MYO3A: variants seen among roughly 807,000 people sequenced by gnomAD.
The protein encoded by MYO3A is myosin-IIIa.
MYO3A carries 180 observed loss-of-function variants against 192.7 expected under a neutral mutation model. The observed-to-expected ratio is 0.93, with a 90% CI of 0.83 to 1.06. MYO3A has a LOEUF of 1.06. Among genes scored for constraint, MYO3A ranks in the 50% least tolerant of loss-of-function variants. The pLI, the probability that MYO3A is intolerant of heterozygous loss-of-function variation, is 0.00. For synonymous variants in MYO3A, 628 were observed against 645.3 expected (o/e 0.97, Z 0.41); for missense variants, 1,896 against 1,905.0 (o/e 1.00, Z 0.09).
chr10:25,964,791 A>T (rs1297742728), intron 4 of MYO3A, among the ~76,000 whole-genome samples: 3 of 152,186 alleles, frequency 2.0e-5, no homozygotes, highest in African/African-American at 4.8e-5. Context: ...TTTGGTATTG[A>T]TGAAATCCTT....
At chr10:26,102,405 C>A (rs1394305914) in intron 17 of MYO3A, among the ~76,000 whole-genome samples, 1 of 152,208 alleles carries the variant, frequency 6.6e-6, no homozygotes, top group Non-Finnish European at 1.5e-5. Flanking sequence ...CTCAACTCAT[C>A]AAAGTGATTC....
chr10:26,155,091 A>T (rs1248851759), intron 25 of MYO3A, among the ~76,000 whole-genome samples: 1 of 152,230 alleles, frequency 6.6e-6, no homozygotes, highest in Non-Finnish European at 1.5e-5. Context: ...ATGCATTTCC[A>T]CTAGAATAAA....
chr10:26,096,740 T>A, intron 17 of MYO3A, 58 bp downstream of exon 17: 1 of 1,181,058 alleles, frequency 8.5e-7, no homozygotes, highest in South Asian at 1.2e-5. Context: ...ATCACTAATG[T>A]TAAGAGCATT....
At chr10:26,081,142 C>CCCCCA (rs1835920858) in intron 14 of MYO3A, among the ~76,000 whole-genome samples, 1 of 93,662 alleles carries the variant, frequency 1.1e-5, no homozygotes, top group Non-Finnish European at 2.8e-5. Flanking sequence ...TTCCCCCCCC[C>CCCCCA]CCCGCCCCCG....
chr10:25,956,197 G>A (rs1337402713), intron 4 of MYO3A, among the ~76,000 whole-genome samples: 1 of 152,064 alleles, frequency 6.6e-6, no homozygotes, highest in East Asian at 1.9e-4. Context: ...CCTCTTAAAG[G>A]TCCCACCTCT....
chr10:26,145,657 C>T (rs759770162), intron 22 of MYO3A, 123 bp downstream of exon 22: 22 of 824,042 alleles, frequency 2.7e-5, no homozygotes, highest in African/African-American at 5.1e-5. Flanking sequence ...TGTCTGTTTC[C>T]GCCCCCACTG....
rs777926817 is a variant in MYO3A, at chr10:26,021,542, G to T, written c.625G>T (p.Ala209Ser). ...ACAGCAATTGGATACCACTTATGAC[G>T]CCAGATGTGACACTTGGTCCCTGGG... ...CEQQLDTTYD[A>S]RCDTWSLGIT... The change falls in exon 8 of 35, where the codon GCC becomes TCC. Residue 209 changes from alanine (A) to serine (S), a missense_variant. Transcript: ENST00000642920. 8.1e-6 allele frequency: 13 copies of T among 1,613,956 alleles called. No homozygotes were observed. Among genetic ancestry groups the T allele is most frequent in the African/African-American group, 4.0e-5 (3 of 74,908 alleles).
At chr10:25,990,433 G>C (rs550128773) in intron 4 of MYO3A, among the ~76,000 whole-genome samples, 94 of 151,836 alleles carry the variant, frequency 6.2e-4, no homozygotes, top group African/African-American at 1.9e-3. Context: ...TTAAGCCCTA[G>C]ATCCTAAAAT....
At chr10:26,102,103 C>G (rs1020439742) in intron 17 of MYO3A, among the ~76,000 whole-genome samples, 2 of 152,102 alleles carry the variant, frequency 1.3e-5, no homozygotes, top group East Asian at 3.9e-4. Context: ...TTTCTTTTTA[C>G]TCTTTTTTCT....
chr10:26,197,825 C>T (rs1589117025), intron 32 of MYO3A, among the ~76,000 whole-genome samples: 1 of 152,348 alleles, frequency 6.6e-6, no homozygotes, highest in African/African-American at 2.4e-5. Context: ...CTTGGCCTCC[C>T]AAAGTGCTGG....
chr10:25,964,445 T>C (rs1338741493), intron 4 of MYO3A, among the ~76,000 whole-genome samples: 1 of 152,188 alleles, frequency 6.6e-6, no homozygotes, highest in Non-Finnish European at 1.5e-5. Context: ...ACACTTTGCA[T>C]ATACAAACAA....
intron 23 of MYO3A, among the ~76,000 whole-genome samples, chr10:26,150,291 A>G (rs1840722928): frequency 6.6e-6 from 1 of 152,202 alleles, no homozygotes; most frequent in Non-Finnish European, 1.5e-5. Context: ...ATATTGCACT[A>G]TAGTTTTCTT....
At chr10:26,176,403 G>T (rs1303889191) in intron 30 of MYO3A, among the ~76,000 whole-genome samples, 1 of 152,238 alleles carries the variant, frequency 6.6e-6, no homozygotes, top group Non-Finnish European at 1.5e-5. Flanking sequence ...GAGTGGCGAG[G>T]CTGGAAGCCG....
chr10:26,079,654 G>A (rs190363492), intron 14 of MYO3A, among the ~76,000 whole-genome samples: 4 of 152,178 alleles, frequency 2.6e-5, no homozygotes, highest in East Asian at 1.9e-4. Context: ...TTTTGATGTG[G>A]TTCCAGGATT....
intron 20 of MYO3A, among the ~76,000 whole-genome samples, chr10:26,140,614 A>G (rs7908466): frequency 0.5 from 75,542 of 150,434 alleles, 19,480 homozygotes; most frequent in Middle Eastern, 0.59. Context: ...GAACCCGGGA[A>G]GTGGAAGTTG....
chr10:26,027,410 T>C (rs1842605585), intron 10 of MYO3A, among the ~76,000 whole-genome samples: 1 of 152,158 alleles, frequency 6.6e-6, no homozygotes, highest in Admixed American at 6.5e-5. Context: ...AGTGGTGCCA[T>C]CTCTGATCAC....
intron 24 of MYO3A, 104 bp downstream of exon 24, chr10:26,154,033 C>G: frequency 1.2e-6 from 1 of 855,156 alleles, no homozygotes; most frequent in South Asian, 1.5e-5. Flanking sequence ...CTTAGTTTTT[C>G]TCCCTTTGAT....
At chr10:25,983,319 G>T (rs1588701339) in intron 4 of MYO3A, among the ~76,000 whole-genome samples, 1 of 151,360 alleles carries the variant, frequency 6.6e-6, no homozygotes, top group Non-Finnish European at 1.5e-5. Flanking sequence ...GCAGTGGTGC[G>T]ATCTCGGCTC....
At chr10:26,161,272 C>G (rs551334021) in intron 26 of MYO3A, among the ~76,000 whole-genome samples, 2 of 152,284 alleles carry the variant, frequency 1.3e-5, no homozygotes, top group African/African-American at 4.8e-5. Flanking sequence ...TTCCCCAGAC[C>G]CTTTGTTCTG....
Sources: allele counts gnomAD v4.1 joint callset (sites outside exome capture counted in the v4.1 genomes callset), GRCh38; gene constraint gnomAD v4.1.1; transcripts MANE v1.5; gene names NCBI Gene and HGNC (gene_info 2026-07-23, HGNC 2026-07-21).